Variants in GPR89A observed in about 807,000 individuals in gnomAD.
GPR89A encodes golgi pH regulator A.
A neutral mutation model predicts 52.0 loss-of-function variants in GPR89A; 16 were observed. That is an observed-to-expected ratio of 0.31 (90% CI 0.21 to 0.47). The LOEUF is 0.47. Among genes scored for constraint, GPR89A ranks in the 20% least tolerant of loss-of-function variants. GPR89A has a pLI of 1.00. For missense variants in GPR89A, 135 were observed against 449.4 expected, an observed-to-expected ratio of 0.30 and a Z score of 6.33; for synonymous variants, 55 against 150.9, an observed-to-expected ratio of 0.36 and a Z score of 4.66.
Position 145,649,292 on chromosome 1 carries a change from A to AT in GPR89A, c.909+2026dup, listed in dbSNP as rs587670075. Among the ~76,000 whole-genome samples, 9 of 152,038 alleles carry AT rather than the reference A, an allele frequency of 5.9e-5. No homozygotes were observed. In the South Asian group the frequency reaches 1.7e-3, roughly 28 times the overall value. On this transcript the variant is annotated intron_variant, in intron 10 of 13. Coordinates refer to ENST00000313835, the MANE Select transcript of GPR89A (RefSeq NM_001097612.2). ...CTGAGATTCCTGGTGTCCCTTTGTAATGCCTCTCTCCCACACCTCTAGTCC... is the reference window on the plus strand; with the variant it reads ...CTGAGATTCCTGGTGTCCCTTTGTAATTGCCTCTCTCCCACACCTCTAGTCC...
chr1:145,659,154 A>G (rs1242477391), intron 10 of GPR89A, among the ~76,000 whole-genome samples: 1 of 152,016 alleles, frequency 6.6e-6, no homozygotes, highest in African/African-American at 2.4e-5. Context: ...GCCGTGTCAT[A>G]TGCTAAGTAT....
Position 145,608,028 on chromosome 1 carries a change from T to C in GPR89A, c.-106T>C, listed in dbSNP as rs1647915870. 2 of 1,378,474 alleles carry C rather than the reference T, an allele frequency of 1.5e-6. No homozygotes were observed. Among genetic ancestry groups the C allele is most frequent in the East Asian group, 2.4e-5 (1 of 42,238 alleles). The allele number at this position is 1,378,474 out of a possible 1,614,324, so 85.4% of individuals were successfully genotyped here. A position where few individuals can be genotyped will look rare whatever the true frequency, so the allele number is the denominator to read the frequency against. On this transcript the variant is annotated 5_prime_UTR_variant, in exon 1 of 14. Coordinates refer to ENST00000313835, the MANE Select transcript of GPR89A (RefSeq NM_001097612.2). Reference sequence around the variant, plus strand: ...CGGGCTGGAGAGCCGCAGTCCCGGCTGCAGCACCTGGGAGAAGGCAGACCG... The same window carrying C: ...CGGGCTGGAGAGCCGCAGTCCCGGCCGCAGCACCTGGGAGAAGGCAGACCG...
chr1:145,615,122 C>T lies in GPR89A; in HGVS notation c.43-1112C>T, dbSNP rs750515519. 1.2e-3 allele frequency among the ~76,000 whole-genome samples: 181 copies of T among 152,274 alleles called. 1 individual carries two copies. Among genetic ancestry groups the T allele is most frequent in the Non-Finnish European group, 5.7e-4 (39 of 68,024 alleles). ...AGCTTTATCAGCTGTCATGTGGCTA[C>T]GGTCTCTGCCAGTTTGAAACAAAAC... On this transcript the variant is annotated intron_variant, in intron 1 of 13. Transcript: ENST00000313835.
chr1:145,629,948 T>C (rs1475278667), intron 5 of GPR89A, among the ~76,000 whole-genome samples: 2 of 152,178 alleles, frequency 1.3e-5, no homozygotes, highest in African/African-American at 4.8e-5. Flanking sequence ...ATCCTAGAAA[T>C]AGAAAGTGAA....
chr1:145,630,341 G>GC (rs1649813211), intron 5 of GPR89A, among the ~76,000 whole-genome samples: 1 of 66,120 alleles, frequency 1.5e-5, no homozygotes, highest in Admixed American at 1.7e-4. Flanking sequence ...TACTTTCTTA[G>GC]TTTTTTTTTT....
At chr1:145,628,997 T>C (rs587668281) in intron 5 of GPR89A, among the ~76,000 whole-genome samples, 89 of 152,106 alleles carry the variant, frequency 5.9e-4, no homozygotes, top group African/African-American at 1.7e-3. Flanking sequence ...AGGAGACAGA[T>C]GATGGAACAA....
At chr1:145,645,977 C>G in intron 8 of GPR89A, 1 of 639,718 alleles carries the variant, frequency 1.6e-6, no homozygotes, top group Non-Finnish European at 2.8e-6. Context: ...TGTTTGGTGG[C>G]GATGCTCTTG....
intron 1 of GPR89A, among the ~76,000 whole-genome samples, chr1:145,610,737 C>T (rs1648206124): frequency 6.6e-6 from 1 of 152,118 alleles, no homozygotes; most frequent in South Asian, 2.1e-4. Context: ...GGACCTGGCA[C>T]ATATTAGGCA....
intron 3 of GPR89A, among the ~76,000 whole-genome samples, chr1:145,621,977 A>C (rs1474070528): frequency 1.3e-4 from 19 of 148,126 alleles, no homozygotes; most frequent in African/African-American, 4.2e-4. Context: ...TACACTCCTG[A>C]GGAAAATGTA....
chr1:145,608,059 G>A lies in GPR89A; in HGVS notation c.-75G>A. 1.3e-6 allele frequency: 2 copies of A among 1,555,398 alleles called. No homozygotes were observed. Among genetic ancestry groups the A allele is most frequent in the South Asian group, 1.1e-5 (1 of 89,534 alleles). On this transcript the variant is annotated 5_prime_UTR_variant, in exon 1 of 14. Transcript: ENST00000313835. ...ACCTGGGAGAAGGCAGACCGTGTGA[G>A]GGGGCCTGTGGCCCCAGCGTGCTGT...
At chr1:145,662,027 T>C (rs1652237394) in intron 10 of GPR89A, among the ~76,000 whole-genome samples, 1 of 152,156 alleles carries the variant, frequency 6.6e-6, no homozygotes. Flanking sequence ...AATTATTGAC[T>C]TGTTTTCTGT....
chr1:145,647,123 A>G (rs1236477100), intron 9 of GPR89A, 52 bp from the exon 10 acceptor site: 24 of 1,534,846 alleles, frequency 1.6e-5, no homozygotes, highest in Non-Finnish European at 1.9e-5. Flanking sequence ...CTTGTGTTGA[A>G]TATAAATTTA....
At chr1:145,635,279 G>T (rs2797007) in intron 7 of GPR89A, among the ~76,000 whole-genome samples, 1 of 152,132 alleles carries the variant, frequency 6.6e-6, no homozygotes, top group Non-Finnish European at 1.5e-5. Context: ...GGTGGTGGGC[G>T]CCTGTAGTCC....
chr1:145,661,625 G>C (rs1305140318), intron 10 of GPR89A, among the ~76,000 whole-genome samples: 1 of 144,944 alleles, frequency 6.9e-6, no homozygotes, highest in African/African-American at 2.5e-5. Context: ...CAACTTTTGG[G>C]TTAATTAGTT....
chr1:145,622,163 A>G (rs1649186904), intron 3 of GPR89A, among the ~76,000 whole-genome samples: 1 of 152,124 alleles, frequency 6.6e-6, no homozygotes. Context: ...GCTAAAAACA[A>G]CCCAAATGTC....
intron 5 of GPR89A, among the ~76,000 whole-genome samples, chr1:145,628,616 A>G (rs1377177655): frequency 1.3e-5 from 2 of 151,882 alleles, no homozygotes; most frequent in Non-Finnish European, 2.9e-5. Flanking sequence ...AATAATATCT[A>G]CCTCATAGGA....
At position 145,637,122 on chromosome 1, in the gene GPR89A, G is replaced by A. The variant is rs587692835; in HGVS notation, c.617+5378G>A. Among the ~76,000 whole-genome samples, 254 of 152,084 alleles carry A rather than the reference G, an allele frequency of 1.7e-3. 2 individuals carry two copies. Among genetic ancestry groups the A allele is most frequent in the African/African-American group, 5.9e-3 (245 of 41,460 alleles). On this transcript the variant is annotated intron_variant, in intron 7 of 13. Transcript: ENST00000313835. ...GATATACTGAACTGCTTCTTGGTGC[G>A]ATTTGCAAGGTTGCTGTGCCTTTGA...
chr1:145,660,995 A>G (rs587629650), intron 10 of GPR89A, among the ~76,000 whole-genome samples: 5 of 152,242 alleles, frequency 3.3e-5, no homozygotes, highest in Admixed American at 2.0e-4. Context: ...TGCTATAAAG[A>G]CACATGCACA....
intron 10 of GPR89A, among the ~76,000 whole-genome samples, chr1:145,658,241 C>A (rs1172100186): frequency 6.6e-6 from 1 of 151,444 alleles, no homozygotes; most frequent in Non-Finnish European, 1.5e-5. Flanking sequence ...CTATATTGCC[C>A]AGGCTGAGCC....
Sources: gnomAD v4.1 joint callset for allele counts (sites outside exome capture counted in the v4.1 genomes callset) on GRCh38, gnomAD v4.1.1 for gene constraint, MANE v1.5 for transcripts, NCBI Gene and HGNC (gene_info 2026-07-23, HGNC 2026-07-21) for gene names.